Variants in TCF7L2 observed in about 807,000 individuals in gnomAD.
The protein encoded by TCF7L2 is transcription factor 7-like 2.
A neutral mutation model predicts 77.9 loss-of-function variants in TCF7L2; 23 were observed. That is an observed-to-expected ratio of 0.30 (90% CI 0.21 to 0.42). The LOEUF (loss-of-function observed/expected upper bound fraction) is 0.42. Ranked by LOEUF, TCF7L2 falls within the 10% of genes least tolerant of loss-of-function variation. The pLI, the probability that TCF7L2 is intolerant of heterozygous loss-of-function variation, is 1.00. For missense variants in TCF7L2, 654 were observed against 793.1 expected, an observed-to-expected ratio of 0.82 and a Z score of 2.11; for synonymous variants, 413 against 340.2, an observed-to-expected ratio of 1.21 and a Z score of -2.36.
At chr10:112,961,262 C>CT (rs1377028756) in intron 3 of TCF7L2, among the ~76,000 whole-genome samples, 3 of 130,778 alleles carry the variant, frequency 2.3e-5, no homozygotes, top group Admixed American at 1.5e-4. Flanking sequence ...TGACCCCCCC[C>CT]CCCCCAACCT....
At chr10:112,979,778 A>C (rs1232133036) in intron 4 of TCF7L2, among the ~76,000 whole-genome samples, 1 of 148,780 alleles carries the variant, frequency 6.7e-6, no homozygotes, top group African/African-American at 2.4e-5. Context: ...AAAAAATAAA[A>C]AAAATAAACG....
intron 12 of TCF7L2, chr10:113,160,477 C>A: frequency 1.7e-6 from 1 of 577,110 alleles, no homozygotes; most frequent in South Asian, 4.4e-5. Flanking sequence ...AAGTCCTTTC[C>A]TTTCATGTCC....
intron 5 of TCF7L2, among the ~76,000 whole-genome samples, chr10:113,113,140 C>G (rs995479761): frequency 3.9e-5 from 6 of 152,020 alleles, no homozygotes; most frequent in Non-Finnish European, 8.8e-5. Context: ...AACCAAAAAC[C>G]CAAACACTGG....
intron 5 of TCF7L2, among the ~76,000 whole-genome samples, chr10:113,118,654 GTTTTTTTTTGTTT>G (rs1392639343): frequency 8.5e-4 from 109 of 127,978 alleles, no homozygotes; most frequent in African/African-American, 2.8e-3. Context: ...TTTTTTTTTT[GTTTTTTTTTGTTT>G]TTTTTTTTTT....
chr10:113,126,649 T>G, intron 5 of TCF7L2: 2 of 985,292 alleles, frequency 2.0e-6, no homozygotes, highest in Non-Finnish European at 2.4e-6. Flanking sequence ...CTCTTCCCTA[T>G]CAAGCGAGAT....
Position 112,950,741 on chromosome 10 carries a change from G to A in TCF7L2, c.-16G>A. The A allele has an allele frequency of 6.5e-7, 1 of 1,549,040 alleles. No individual in the cohort carries two copies. Among genetic ancestry groups the A allele is most frequent in the Non-Finnish European group, 8.7e-7 (1 of 1,147,732 alleles). ...TCATTTTTCTTCCAAAATTGCTGCTGGTGGGTGAAAAAAAAATGCCGCAGC... is the reference window on the plus strand; with the variant it reads ...TCATTTTTCTTCCAAAATTGCTGCTAGTGGGTGAAAAAAAAATGCCGCAGC... On this transcript the variant is annotated 5_prime_UTR_variant, in exon 1 of 14. Coordinates refer to ENST00000627217, the MANE Select transcript of TCF7L2 (RefSeq NM_001146274.2).
intron 4 of TCF7L2, among the ~76,000 whole-genome samples, chr10:113,031,296 T>C (rs2050165310): frequency 1.3e-5 from 2 of 152,178 alleles, no homozygotes; most frequent in East Asian, 1.9e-4. Flanking sequence ...ATGGACTACA[T>C]GCTGATTATT....
At chr10:113,140,607 C>T (rs1021371338) in intron 5 of TCF7L2, among the ~76,000 whole-genome samples, 1 of 152,126 alleles carries the variant, frequency 6.6e-6, no homozygotes, top group African/African-American at 2.4e-5. Flanking sequence ...CCCACCCAAA[C>T]CGTGAGTGGG....
chr10:113,148,931 C>T (rs549617556), intron 8 of TCF7L2, among the ~76,000 whole-genome samples: 13 of 152,242 alleles, frequency 8.5e-5, no homozygotes, highest in East Asian at 1.9e-4. Context: ...GGTGCCTTCC[C>T]GTGGTATTTG....
At chr10:112,973,931 C>T (rs1473188007) in intron 4 of TCF7L2, among the ~76,000 whole-genome samples, 2 of 152,130 alleles carry the variant, frequency 1.3e-5, no homozygotes, top group South Asian at 4.1e-4. Flanking sequence ...ACCTTGTTGC[C>T]CAGGCTGATA....
chr10:113,080,848 T>C (rs2059253200), intron 5 of TCF7L2, among the ~76,000 whole-genome samples: 1 of 152,198 alleles, frequency 6.6e-6, no homozygotes, highest in Non-Finnish European at 1.5e-5. Flanking sequence ...GGAAACATAT[T>C]AGCAGAAAAT....
intron 3 of TCF7L2, among the ~76,000 whole-genome samples, chr10:112,954,647 T>TA: frequency 6.6e-6 from 1 of 152,214 alleles, no homozygotes; most frequent in Non-Finnish European, 1.5e-5. Flanking sequence ...GTAACATTTG[T>TA]ATATTAAAGA....
chr10:113,153,754 T>G (rs1263241468), intron 11 of TCF7L2, among the ~76,000 whole-genome samples: 4 of 152,354 alleles, frequency 2.6e-5, no homozygotes, highest in African/African-American at 7.2e-5. Context: ...GATTCAGAGT[T>G]AAGTCGGATA....
intron 4 of TCF7L2, among the ~76,000 whole-genome samples, chr10:112,997,908 G>A (rs1006572249): frequency 1.3e-5 from 2 of 152,060 alleles, no homozygotes; most frequent in African/African-American, 2.4e-5. Context: ...GACACCTGAC[G>A]TATCTGTAAA....
chr10:113,015,969 G>T (rs1044623017), intron 4 of TCF7L2, among the ~76,000 whole-genome samples: 1 of 152,174 alleles, frequency 6.6e-6, no homozygotes, highest in Non-Finnish European at 1.5e-5. Context: ...GGGGTCTGGG[G>T]TTAAGACCAT....
intron 4 of TCF7L2, among the ~76,000 whole-genome samples, chr10:112,965,629 ATGTGTGTGTGTGTGTGTG>A (rs59587175): frequency 1.0e-4 from 14 of 137,322 alleles, no homozygotes; most frequent in East Asian, 3.7e-4. Context: ...GTGTGTGTAT[ATGTGTGTGTGTGTGTGTG>A]TGTGTGTGTG....
rs1479048092 is a variant in TCF7L2 at position 112,989,330 on chromosome 10, C to G, written c.450+24706C>G. Among the ~76,000 whole-genome samples, 3 of 151,570 alleles carry G rather than the reference C, an allele frequency of 2.0e-5. No homozygotes were observed. The South Asian group carries it at 6.3e-4, about 32-fold the overall frequency. On this transcript the variant is annotated intron_variant, in intron 4 of 13. Transcript: ENST00000627217. The stretch of plus-strand genomic sequence containing the variant: ...GGTCTGGCTTCCCTTAGCAACCCCC[C>G]TTTCCTGTCTCTGCCTCTGGAGTTC...
chr10:112,977,788 G>A (rs115633283), intron 4 of TCF7L2, among the ~76,000 whole-genome samples: 183 of 152,286 alleles, frequency 1.2e-3, no homozygotes, highest in African/African-American at 3.5e-3. Context: ...CAGGCCACTC[G>A]GGGGAGGCAG....
intron 12 of TCF7L2, 24 bp from the exon 13 acceptor site, chr10:113,158,643 G>A (rs747605843): frequency 4.3e-6 from 7 of 1,612,564 alleles, no homozygotes; most frequent in East Asian, 2.2e-5. Flanking sequence ...TGAAGGCTTT[G>A]TATAATTTGT....
Sources: allele counts gnomAD v4.1 joint callset (sites outside exome capture counted in the v4.1 genomes callset), GRCh38; gene constraint gnomAD v4.1.1; transcripts MANE v1.5; gene names NCBI Gene and HGNC (gene_info 2026-07-23, HGNC 2026-07-21).